FCHO2: variants seen among roughly 807,000 people sequenced by gnomAD.
FCHO2 encodes F-BAR domain only protein 2.
A neutral mutation model predicts 114.1 loss-of-function variants in FCHO2; 43 were observed. The observed-to-expected ratio is 0.38, with a 90% CI of 0.30 to 0.49. The LOEUF (loss-of-function observed/expected upper bound fraction) is 0.49. FCHO2 is among the 20% of genes least tolerant of loss of function. The pLI, the probability that FCHO2 is intolerant of heterozygous loss-of-function variation, is 0.97. For synonymous variants in FCHO2, 293 were observed against 315.2 expected, an observed-to-expected ratio of 0.93 and a Z score of 0.75; for missense variants, 807 against 950.4, an observed-to-expected ratio of 0.85 and a Z score of 1.98.
At chr5:72,989,374 T>C (rs1753704617) in intron 2 of FCHO2, 53 bp from the exon 3 acceptor site, 3 of 1,306,418 alleles carry the variant, frequency 2.3e-6, no homozygotes. Flanking sequence ...ATAACTTTGC[T>C]GTTTTTGGTC....
intron 18 of FCHO2, 93 bp downstream of exon 18, chr5:73,064,037 GA>G: frequency 8.2e-7 from 1 of 1,212,818 alleles, no homozygotes; most frequent in South Asian, 1.4e-5. Context: ...TTAATTGCTT[GA>G]AGTTTTCTAC....
At chr5:73,058,556 T>A (rs924681551) in intron 17 of FCHO2, 32 bp downstream of exon 17, 52 of 901,272 alleles carry the variant, frequency 5.8e-5, no homozygotes, top group Non-Finnish European at 7.7e-5. Flanking sequence ...TGTATTTTTT[T>A]AAATAAAGAA....
intron 8 of FCHO2, among the ~76,000 whole-genome samples, chr5:73,032,645 A>G (rs763301448): frequency 7.9e-5 from 12 of 152,188 alleles, no homozygotes; most frequent in Admixed American, 1.3e-4. Flanking sequence ...TAGATAATAT[A>G]TATTTAGTAT....
rs1483711964 is a variant in FCHO2 at position 73,087,767 on chromosome 5, T to G, written c.2410+14T>G. ...GGTTTGCTACTGGTAAGTTAGGAGA[T>G]TTCAAACTTTTTAATGTACATGGGA... On this transcript the variant is annotated intron_variant, in intron 25 of 25. Coordinates refer to ENST00000430046, the MANE Select transcript of FCHO2 (RefSeq NM_138782.3). 6.5e-7 allele frequency: 1 copy of G among 1,547,702 alleles called. No homozygotes were observed.
At chr5:73,064,241 T>A (rs1415492934) in intron 18 of FCHO2, among the ~76,000 whole-genome samples, 1 of 152,102 alleles carries the variant, frequency 6.6e-6, no homozygotes, top group African/African-American at 2.4e-5. Flanking sequence ...CATATAATTC[T>A]ACTTAAAGTC....
intron 23 of FCHO2, 45 bp downstream of exon 23, chr5:73,082,027 C>G: frequency 2.2e-6 from 3 of 1,373,250 alleles, no homozygotes; most frequent in Non-Finnish European, 2.9e-6. Flanking sequence ...ATTTTTGTTG[C>G]AATCCCCAAC....
At chr5:73,006,416 T>TA (rs1226829549) in intron 5 of FCHO2, 29 bp from the exon 6 acceptor site, 4 of 1,395,344 alleles carry the variant, frequency 2.9e-6, no homozygotes, top group Non-Finnish European at 3.8e-6. Context: ...AATGCACAGT[T>TA]AAAAGTTTTT....
chr5:73,079,821 A>G (rs762974505), intron 22 of FCHO2, among the ~76,000 whole-genome samples: 4 of 152,220 alleles, frequency 2.6e-5, no homozygotes, highest in South Asian at 4.1e-4. Context: ...TTTCTTGAGT[A>G]TGCACAGATT....
At chr5:73,019,758 A>G (rs1422614604) in intron 8 of FCHO2, among the ~76,000 whole-genome samples, 2 of 152,162 alleles carry the variant, frequency 1.3e-5, no homozygotes, top group Non-Finnish European at 2.9e-5. Flanking sequence ...AAAGCCATGA[A>G]AAAGTCCCCA....
intron 11 of FCHO2, 72 bp downstream of exon 11, chr5:73,041,387 A>C: frequency 1.1e-6 from 1 of 922,572 alleles, no homozygotes; most frequent in African/African-American, 1.7e-5. Flanking sequence ...AACACATTTG[A>C]GTTGAGTTGT....
chr5:73,055,727 A>C (rs1222413553), intron 15 of FCHO2, among the ~76,000 whole-genome samples: 1 of 152,196 alleles, frequency 6.6e-6, no homozygotes, highest in African/African-American at 2.4e-5. Context: ...CATCAGTTAA[A>C]ATTCTTAACT....
At chr5:72,960,285 C>A (rs1751784341) in intron 1 of FCHO2, among the ~76,000 whole-genome samples, 1 of 146,424 alleles carries the variant, frequency 6.8e-6, no homozygotes, top group Non-Finnish European at 1.5e-5. Flanking sequence ...ATTGAAAATT[C>A]CTTTACTTAA....
At chr5:72,974,668 C>G (rs1301832463) in intron 2 of FCHO2, among the ~76,000 whole-genome samples, 1 of 152,024 alleles carries the variant, frequency 6.6e-6, no homozygotes, top group Non-Finnish European at 1.5e-5. Context: ...GTTTGCCAGT[C>G]TGTGTCTTTT....
intron 8 of FCHO2, among the ~76,000 whole-genome samples, chr5:73,029,111 AATTC>A (rs1205708794): frequency 6.6e-6 from 1 of 152,202 alleles, no homozygotes; most frequent in African/African-American, 2.4e-5. Context: ...CAAATGTCAA[AATTC>A]ATTAAACTGT....
At chr5:73,017,164 A>C (rs1224742233) in intron 7 of FCHO2, 48 bp from the exon 8 acceptor site, 1 of 1,090,372 alleles carries the variant, frequency 9.2e-7, no homozygotes, top group East Asian at 2.8e-5. Flanking sequence ...TCTGAAATAC[A>C]CTAAGAATGT....
chr5:72,990,889 C>T lies in FCHO2; in HGVS notation c.495+25C>T, dbSNP rs1168113849. 5 of 1,525,024 alleles carry T rather than the reference C, an allele frequency of 3.3e-6. No homozygotes were observed. The South Asian group carries it at 6.3e-5, about 19-fold the overall frequency. 94.5% of individuals were successfully genotyped at this position (1,525,024 alleles called of 1,614,324 possible). A position where few individuals can be genotyped will look rare whatever the true frequency, so the allele number is the denominator to read the frequency against. Reference sequence around the variant, plus strand: ...GGTAATCATAATAAAAATTACATATCTGTGGTTTCAAAGCACCTTGACATA... The same window carrying T: ...GGTAATCATAATAAAAATTACATATTTGTGGTTTCAAAGCACCTTGACATA... On this transcript the variant is annotated intron_variant, in intron 5 of 25. Coordinates refer to ENST00000430046, the MANE Select transcript of FCHO2 (RefSeq NM_138782.3).
chr5:73,050,609 A>G (rs1486268967), intron 11 of FCHO2, among the ~76,000 whole-genome samples: 2 of 151,910 alleles, frequency 1.3e-5, no homozygotes, highest in African/African-American at 4.8e-5. Flanking sequence ...GAGCCACTGC[A>G]CCGGGCCCGC....
At chr5:73,017,185 A>G in intron 7 of FCHO2, 27 bp from the exon 8 acceptor site, 2 of 1,332,774 alleles carry the variant, frequency 1.5e-6, no homozygotes, top group Non-Finnish European at 1.0e-6. Flanking sequence ...GGAAAAAGAA[A>G]AAGTTATCTT....
At chr5:72,975,301 C>T (rs1355014451) in intron 2 of FCHO2, among the ~76,000 whole-genome samples, 3 of 152,210 alleles carry the variant, frequency 2.0e-5, no homozygotes, top group South Asian at 2.1e-4. Context: ...AAGGAAAAAA[C>T]GTAAACTTTG....
Sources: gnomAD v4.1 joint callset for allele counts (sites outside exome capture counted in the v4.1 genomes callset) on GRCh38, gnomAD v4.1.1 for gene constraint, MANE v1.5 for transcripts, NCBI Gene and HGNC (gene_info 2026-07-23, HGNC 2026-07-21) for gene names.